SGCD: variants seen among roughly 807,000 people sequenced by gnomAD.
The protein encoded by SGCD is sarcoglycan delta, also known as delta-sarcoglycan.
A neutral mutation model predicts 36.6 loss-of-function variants in SGCD; 18 were observed. The ratio of observed to expected loss-of-function variants is 0.49; its 90% CI spans 0.34 to 0.73. SGCD has a LOEUF of 0.73. SGCD is among the 30% of genes least tolerant of loss of function. The probability of loss-of-function intolerance (pLI) is 0.01; values close to 1 mark genes in which losing one functional copy is unlikely to be tolerated. For synonymous variants in SGCD, 133 were observed against 130.6 expected, an observed-to-expected ratio of 1.02 and a Z score of -0.12; for missense variants, 387 against 346.7, an observed-to-expected ratio of 1.12 and a Z score of -0.92.
intron 1 of SGCD, among the ~76,000 whole-genome samples, chr5:156,090,640 G>T (rs973544751): frequency 6.6e-6 from 1 of 152,056 alleles, no homozygotes; most frequent in Non-Finnish European, 1.5e-5. Context: ...GCAGACAACC[G>T]GTCTGACTAG....
chr5:156,131,852 T>A (rs192587443), intron 3 of SGCD, among the ~76,000 whole-genome samples: 30 of 152,348 alleles, frequency 2.0e-4, no homozygotes, highest in Non-Finnish European at 1.5e-5. Flanking sequence ...TTTGGGAACA[T>A]CGAAGAGCTG....
upstream of SGCD, among the ~76,000 whole-genome samples, chr5:155,867,626 G>A (rs1043259017): frequency 5.9e-5 from 9 of 152,188 alleles, no homozygotes; most frequent in Admixed American, 5.9e-4. Flanking sequence ...AGAAGAACCA[G>A]TGTAGGAGAA....
At chr5:156,112,249 G>C (rs1214679093) in intron 1 of SGCD, among the ~76,000 whole-genome samples, 1 of 152,106 alleles carries the variant, frequency 6.6e-6, no homozygotes, top group African/African-American at 2.4e-5. Context: ...GCATCACTTG[G>C]CACCAGATGG....
intron 7 of SGCD, among the ~76,000 whole-genome samples, chr5:156,713,153 T>G (rs1755068071): frequency 6.6e-6 from 1 of 152,086 alleles, no homozygotes; most frequent in African/African-American, 2.4e-5. Context: ...CTCCCCAAAA[T>G]GTCCACTACG....
At chr5:156,423,428 A>AT (rs1419366012) in intron 3 of SGCD, among the ~76,000 whole-genome samples, 1,727 of 106,248 alleles carry the variant, frequency 0.016, 253 homozygotes, top group Middle Eastern at 0.038. Context: ...ATATTTTAAT[A>AT]AAATATAATA....
intron 1 of SGCD, among the ~76,000 whole-genome samples, chr5:155,988,521 C>T (rs556271105): frequency 1.3e-5 from 2 of 152,276 alleles, no homozygotes; most frequent in African/African-American, 4.8e-5. Context: ...GACAGATAGA[C>T]AACTAATAGT....
chr5:155,993,741 C>G (rs1010550322), intron 1 of SGCD, among the ~76,000 whole-genome samples: 1 of 152,272 alleles, frequency 6.6e-6, no homozygotes, highest in Non-Finnish European at 1.5e-5. Context: ...CATGGACCCT[C>G]TATGTGGTTG....
At chr5:156,095,588 G>C (rs1457466116) in intron 1 of SGCD, among the ~76,000 whole-genome samples, 1 of 152,126 alleles carries the variant, frequency 6.6e-6, no homozygotes. Flanking sequence ...TGGGACTTTA[G>C]ACAGGGTTAC....
intron 4 of SGCD, among the ~76,000 whole-genome samples, chr5:156,548,280 C>A (rs1361982647): frequency 6.6e-6 from 1 of 152,170 alleles, no homozygotes; most frequent in Non-Finnish European, 1.5e-5. Context: ...TGTCCCCTTA[C>A]CAACTTTGGA....
At chr5:156,285,929 CAA>C (rs1316124637) in intron 3 of SGCD, among the ~76,000 whole-genome samples, 2 of 152,122 alleles carry the variant, frequency 1.3e-5, no homozygotes, top group Admixed American at 6.5e-5. Context: ...ACTCATCTGA[CAA>C]AGGGCTAATA....
chr5:155,892,626 T>C (rs563122802), intron 1 of SGCD, among the ~76,000 whole-genome samples: 1 of 152,312 alleles, frequency 6.6e-6, no homozygotes, highest in Admixed American at 6.5e-5. Flanking sequence ...CAAGATCACC[T>C]AGAATTTGGA....
chr5:156,647,680 C>A, intron 7 of SGCD, 144 bp downstream of exon 7: 2 of 638,698 alleles, frequency 3.1e-6, no homozygotes, highest in South Asian at 2.1e-5. Context: ...AGAAGATAAG[C>A]TACAACCAAA....
At chr5:156,216,958 A>G (rs1379434821) in intron 3 of SGCD, among the ~76,000 whole-genome samples, 1 of 152,168 alleles carries the variant, frequency 6.6e-6, no homozygotes, top group African/African-American at 2.4e-5. Flanking sequence ...TGGAGCCTGT[A>G]ATCCAGCTAC....
chr5:155,943,749 C>T (rs563341898), intron 1 of SGCD, among the ~76,000 whole-genome samples: 2 of 151,274 alleles, frequency 1.3e-5, no homozygotes, highest in East Asian at 3.9e-4. Context: ...AGCCACTCCT[C>T]TGAAAACATG....
intron 1 of SGCD, among the ~76,000 whole-genome samples, chr5:155,916,891 A>G (rs921675648): frequency 5.9e-5 from 9 of 152,190 alleles, no homozygotes; most frequent in Non-Finnish European, 4.4e-5. Flanking sequence ...CCAATGAGAG[A>G]TGAGGCCTGA....
At chr5:156,526,233 A>G (rs1386332264) in intron 4 of SGCD, among the ~76,000 whole-genome samples, 1 of 152,050 alleles carries the variant, frequency 6.6e-6, no homozygotes, top group African/African-American at 2.4e-5. Flanking sequence ...AAGTGTTAAG[A>G]TTTGGATTCT....
chr5:156,369,648 C>T (rs942885327), intron 3 of SGCD, among the ~76,000 whole-genome samples: 1 of 152,146 alleles, frequency 6.6e-6, no homozygotes, highest in Non-Finnish European at 1.5e-5. Context: ...CTTTTAGAGG[C>T]ATTTGATAGT....
chr5:156,320,770 AAAT>A (rs1767635242), intron 3 of SGCD, among the ~76,000 whole-genome samples: 1 of 152,216 alleles, frequency 6.6e-6, no homozygotes, highest in South Asian at 2.1e-4. Flanking sequence ...GATATTCTCA[AAAT>A]GTTTGGGTCA....
chr5:155,729,339 G>T, the SGCD span, among the ~76,000 whole-genome samples: 6 of 152,244 alleles, frequency 3.9e-5, no homozygotes, highest in East Asian at 5.8e-4. Flanking sequence ...CTAAGAGATC[G>T]TGGGCAGACC....
Sources: allele counts gnomAD v4.1 joint callset (sites outside exome capture counted in the v4.1 genomes callset), GRCh38; gene constraint gnomAD v4.1.1; transcripts MANE v1.5; gene names NCBI Gene and HGNC (gene_info 2026-07-23, HGNC 2026-07-21).